The following GRID2 variants were observed in gnomAD, a reference collection of about 807,000 sequenced individuals.
GRID2 encodes glutamate ionotropic receptor delta type subunit 2.
In GRID2, 33 loss-of-function variants were observed where a neutral mutation model predicts 114.8. The ratio of observed to expected loss-of-function variants is 0.29; its 90% confidence interval spans 0.22 to 0.38. The LOEUF (loss-of-function observed/expected upper bound fraction) is 0.38. Ranked by LOEUF, GRID2 falls within the 10% of genes least tolerant of loss-of-function variation. The pLI, the probability that GRID2 is intolerant of heterozygous loss-of-function variation, is 1.00. For synonymous variants in GRID2, 505 were observed against 449.9 expected (o/e 1.12, Z -1.55); for missense variants, 1,184 against 1,257.7 (o/e 0.94, Z 0.89).
At chr4:93,737,464 C>T (rs1258757731) in intron 14 of GRID2, among the ~76,000 whole-genome samples, 1 of 151,996 alleles carries the variant, frequency 6.6e-6, no homozygotes, top group Non-Finnish European at 1.5e-5. Flanking sequence ...ATTACTCACA[C>T]CTGTAGTTCC....
At chr4:93,563,789 GA>G (rs1238211199) in intron 13 of GRID2, among the ~76,000 whole-genome samples, 3 of 151,932 alleles carry the variant, frequency 2.0e-5, no homozygotes, top group Non-Finnish European at 4.4e-5. Flanking sequence ...GTGCCATGAA[GA>G]AAAGTTTTTG....
intron 2 of GRID2, among the ~76,000 whole-genome samples, chr4:92,597,015 A>T (rs1489831731): frequency 6.6e-6 from 1 of 152,072 alleles, no homozygotes; most frequent in African/African-American, 2.4e-5. Context: ...AAGGAACAAG[A>T]TGGTCTAGCT....
Position 92,382,448 on chromosome 4 carries a change from C to T in GRID2, c.88+77704C>T, listed in dbSNP as rs1457112082. On this transcript the variant is annotated intron_variant, in intron 1 of 15. Transcript: ENST00000282020. ...TAAGCCTGATTAATGTCTTTTTGTT[C>T]TTGTTCGATATTTTACATATTATAT... 4.6e-5 allele frequency among the ~76,000 whole-genome samples: 7 copies of T among 151,760 alleles called. No individual in the cohort carries two copies. The Admixed American group carries it at 4.6e-4, about 10-fold the overall frequency.
rs1389347463 is a variant in GRID2 at position 93,750,573 on chromosome 4, T to C, written c.2361-18637T>C. On this transcript the variant is annotated intron_variant, in intron 14 of 15. Coordinates refer to ENST00000282020, the MANE Select transcript of GRID2 (RefSeq NM_001510.4). ...TCACAAGGTCAGGAGATCAAGACCA[T>C]GTGAAACCCGGTCTCTACTAAAAAT... Among the ~76,000 whole-genome samples, 3 of 151,670 alleles carry C rather than the reference T, an allele frequency of 2.0e-5. No individual in the cohort carries two copies. In the East Asian group the frequency reaches 5.8e-4, roughly 29 times the overall value.
chr4:92,892,878 G>T (rs1371728234), intron 2 of GRID2, among the ~76,000 whole-genome samples: 1 of 151,920 alleles, frequency 6.6e-6, no homozygotes, highest in Non-Finnish European at 1.5e-5. Context: ...TTTGTTAAAG[G>T]AAACAATTTA....
chr4:92,814,167 A>G (rs977165955), intron 2 of GRID2, among the ~76,000 whole-genome samples: 3 of 152,026 alleles, frequency 2.0e-5, no homozygotes, highest in Non-Finnish European at 2.9e-5. Context: ...TGTGTCTTGT[A>G]TTATTGTGAC....
intron 13 of GRID2, among the ~76,000 whole-genome samples, chr4:93,558,640 G>A (rs76332710): frequency 7.2e-5 from 11 of 152,218 alleles, no homozygotes; most frequent in South Asian, 2.1e-4. Flanking sequence ...ACTCATAGCC[G>A]AATTCTACCA....
intron 2 of GRID2, among the ~76,000 whole-genome samples, chr4:92,733,702 T>C (rs907255778): frequency 1.3e-5 from 2 of 152,064 alleles, no homozygotes; most frequent in Admixed American, 1.3e-4. Context: ...CACTTATCAA[T>C]CAAGGGGTTG....
At chr4:93,156,233 T>C (rs1737174238) in intron 4 of GRID2, among the ~76,000 whole-genome samples, 1 of 151,890 alleles carries the variant, frequency 6.6e-6, no homozygotes, top group Non-Finnish European at 1.5e-5. Flanking sequence ...ATTTTATATT[T>C]ACCTCTTAAT....
chr4:93,596,318 G>A (rs1381774614), intron 13 of GRID2, among the ~76,000 whole-genome samples: 4 of 152,048 alleles, frequency 2.6e-5, no homozygotes, highest in Admixed American at 2.0e-4. Flanking sequence ...GGTGGCTCAC[G>A]CCTGCAGTCC....
intron 2 of GRID2, among the ~76,000 whole-genome samples, chr4:92,879,966 G>A (rs1419831649): frequency 6.6e-6 from 1 of 152,088 alleles, no homozygotes; most frequent in Non-Finnish European, 1.5e-5. Context: ...AGAAAATTGT[G>A]TATTTATAAT....
At chr4:93,451,655 C>T (rs78371444) in intron 10 of GRID2, among the ~76,000 whole-genome samples, 4,841 of 151,954 alleles carry the variant, frequency 0.032, 106 homozygotes, top group African/African-American at 0.069. Flanking sequence ...AATAGGGAGA[C>T]TGAAGAGGAA....
At chr4:92,697,427 A>G (rs575894980) in intron 2 of GRID2, among the ~76,000 whole-genome samples, 1 of 152,314 alleles carries the variant, frequency 6.6e-6, no homozygotes, top group African/African-American at 2.4e-5. Context: ...GGGTTATAAC[A>G]AGAATTGGTT....
rs1736601927 is a variant in GRID2, at chr4:92,736,425, CTT to C, written c.244+146141_244+146142del. ...AATTTTTATCGTTTTAAGATGCTAACTTTATAAAATTTGTTATAGCACAGTAG... is the reference window on the plus strand; with the variant it reads ...AATTTTTATCGTTTTAAGATGCTAACTATAAAATTTGTTATAGCACAGTAG... On this transcript the variant is annotated intron_variant, in intron 2 of 15. Transcript: ENST00000282020. Among the ~76,000 whole-genome samples, 5 of 152,152 alleles carry C rather than the reference CTT, an allele frequency of 3.3e-5. 1 individual carries two copies. In the South Asian group the frequency reaches 1.0e-3, roughly 32 times the overall value.
chr4:93,107,487 A>C (rs1021731798), intron 3 of GRID2, among the ~76,000 whole-genome samples: 1 of 151,990 alleles, frequency 6.6e-6, no homozygotes, highest in African/African-American at 2.4e-5. Flanking sequence ...AAGCTAAAAA[A>C]CGTTATATAG....
intron 1 of GRID2, among the ~76,000 whole-genome samples, chr4:92,359,061 TA>T (rs33923962): frequency 0.063 from 9,624 of 152,000 alleles, 905 homozygotes; most frequent in African/African-American, 0.21. Flanking sequence ...ATATTGTAGT[TA>T]AATTTTTTAG....
intron 12 of GRID2, among the ~76,000 whole-genome samples, chr4:93,503,972 G>T (rs1219893777): frequency 6.6e-6 from 1 of 151,966 alleles, no homozygotes; most frequent in Non-Finnish European, 1.5e-5. Context: ...AGGATTTTTG[G>T]TTTTTGTCAT....
intron 2 of GRID2, among the ~76,000 whole-genome samples, chr4:92,912,869 T>A (rs1043607976): frequency 4.0e-5 from 6 of 151,798 alleles, no homozygotes; most frequent in Non-Finnish European, 5.9e-5. Flanking sequence ...TTGGTGGGAA[T>A]CACAGATGAG....
At chr4:93,113,678 GA>G (rs1732981134) in intron 4 of GRID2, among the ~76,000 whole-genome samples, 1 of 152,188 alleles carries the variant, frequency 6.6e-6, no homozygotes, top group Non-Finnish European at 1.5e-5. Context: ...TGTAATGGCA[GA>G]ACACATACAT....
Sources: allele counts gnomAD v4.1 joint callset (sites outside exome capture counted in the v4.1 genomes callset), GRCh38; gene constraint gnomAD v4.1.1; transcripts MANE v1.5; gene names NCBI Gene and HGNC (gene_info 2026-07-23, HGNC 2026-07-21).